Variants in KCNN1 observed in about 807,000 individuals in gnomAD.
The protein encoded by KCNN1 is potassium calcium-activated channel subfamily N member 1, also known as small conductance calcium-activated potassium channel protein 1.
A neutral mutation model predicts 44.7 loss-of-function variants in KCNN1; 20 were observed. That is an observed-to-expected ratio of 0.45 (90% CI 0.32 to 0.65). The LOEUF (loss-of-function observed/expected upper bound fraction) is 0.65. KCNN1 is among the 30% of genes least tolerant of loss of function. KCNN1 has a pLI of 0.05. For missense variants in KCNN1, 632 were observed against 785.3 expected, an observed-to-expected ratio of 0.80 and a Z score of 2.33; for synonymous variants, 324 against 341.7, an observed-to-expected ratio of 0.95 and a Z score of 0.57.
In KCNN1 at chr19:17,974,059, C is replaced by T. The variant is rs1358424466; in HGVS notation, c.171C>T (p.Gly57=). 1.2e-6 allele frequency: 2 copies of T among 1,611,014 alleles called. No individual in the cohort carries two copies. Among genetic ancestry groups the T allele is most frequent in the Admixed American group, 1.7e-5 (1 of 59,922 alleles). The part of the protein sequence containing the change: ...AKSEPARPSP[G]SPRGQPQDQD... ...GTGAGCCAGCCCGGCCCTCACCCGG[C>T]AGCCCCCGGGGGCAGCCCCAGGACC... Residue 57 remains glycine, a synonymous_variant, in exon 2 of 10, where the codon GGC becomes GGT. Coordinates refer to ENST00000684775, the MANE Select transcript of KCNN1 (RefSeq NM_001386974.1). The surrounding 1 kb of genome is among the most constrained non-coding windows in gnomAD (Gnocchi z 7.3).
Position 17,999,667 on chromosome 19 carries a change from C to G in KCNN1, c.*1261C>G, listed in dbSNP as rs550692095. On this transcript the variant is annotated 3_prime_UTR_variant, in exon 10 of 10. Coordinates refer to ENST00000684775, the MANE Select transcript of KCNN1 (RefSeq NM_001386974.1). ...CAGAAAGGTCCCTGGAGGCCATGGG[C>G]TTGGGTGCTGGGAGCAACAGGCATT... 142 of 250,532 alleles carry G rather than the reference C, an allele frequency of 5.7e-4. 2 individuals carry two copies. The highest frequency in any genetic ancestry group is 1.6e-3 in the South Asian group (38 of 23,474). The allele number at this position is 250,532 out of a possible 1,614,324, so 15.5% of individuals were successfully genotyped here.
At chr19:17,997,522 A>G (rs1194226205) in intron 9 of KCNN1, among the ~76,000 whole-genome samples, 1 of 152,008 alleles carries the variant, frequency 6.6e-6, no homozygotes, top group African/African-American at 2.4e-5. Context: ...CTTTTTCTTG[A>G]GACGGATTTT....
At chr19:17,959,150 G>A (rs941240890) in intron 2 of KCNN1, among the ~76,000 whole-genome samples, 11 of 151,364 alleles carry the variant, frequency 7.3e-5, no homozygotes, top group Non-Finnish European at 1.5e-4. Context: ...TCAGCCTCCC[G>A]AGTAGCTGGG....
chr19:17,967,133 G>GGACT lies in KCNN1; in HGVS notation c.-264_-261dup. On this transcript the variant is annotated 5_prime_UTR_variant, in exon 1 of 10. Coordinates refer to ENST00000684775, the MANE Select transcript of KCNN1 (RefSeq NM_001386974.1). ...GGCGCTCGCCCCCCGCCGGGCCCGT[G>GGACT]GACTGGGCGGCGGGGGATGCGCCTG... 1 of 975,416 alleles carries GGACT rather than the reference G, an allele frequency of 1.0e-6. No homozygotes were observed. The highest frequency in any genetic ancestry group is 1.2e-6 in the Non-Finnish European group (1 of 823,276). 60.4% of individuals were successfully genotyped at this position (975,416 alleles called of 1,614,324 possible). A position where few individuals can be genotyped will look rare whatever the true frequency, so the allele number is the denominator to read the frequency against.
At chr19:17,964,442 C>A (rs991691002), upstream of KCNN1, among the ~76,000 whole-genome samples, 3 of 152,230 alleles carry the variant, frequency 2.0e-5, no homozygotes, top group Admixed American at 6.5e-5. The surrounding 1 kb of genome is among the most constrained non-coding windows in gnomAD (Gnocchi z 4.3). Context: ...AGGCCCCCTG[C>A]GGAGGGGCTT....
chr19:17,965,527 G>T (rs969454307), upstream of KCNN1, among the ~76,000 whole-genome samples: 2 of 152,122 alleles, frequency 1.3e-5, no homozygotes, highest in African/African-American at 4.8e-5. Context: ...CAAGTGCAAA[G>T]GCCTGGAGGT....
chr19:17,973,566 A>G (rs940107141), intron 1 of KCNN1, among the ~76,000 whole-genome samples: 2 of 152,138 alleles, frequency 1.3e-5, no homozygotes, highest in African/African-American at 4.8e-5. Flanking sequence ...CCAGAGCTGC[A>G]CCACCATGCC....
intron 5 of KCNN1, among the ~76,000 whole-genome samples, chr19:17,987,909 A>C (rs1381074399): frequency 6.6e-6 from 1 of 151,118 alleles, no homozygotes; most frequent in African/African-American, 2.4e-5. Context: ...TTGGGAGGCC[A>C]AGGCGGGTGG....
At chr19:17,954,090 G>T (rs1022640362) in intron 1 of KCNN1, among the ~76,000 whole-genome samples, 2 of 152,184 alleles carry the variant, frequency 1.3e-5, no homozygotes, top group African/African-American at 4.8e-5. Context: ...GAAGAGGTGG[G>T]GCTAGCCCAG....
Position 17,985,300 on chromosome 19 carries a change from T to C in KCNN1, c.918-12T>C. 1.9e-5 allele frequency: 30 copies of C among 1,582,228 alleles called. No individual in the cohort carries two copies. Among genetic ancestry groups the C allele is most frequent in the Non-Finnish European group, 2.6e-5 (30 of 1,161,960 alleles). The stretch of plus-strand genomic sequence containing the variant: ...GACTGAGCCCTCCCTCTTCCCACTC[T>C]GGCTCCCCCAGGTACCACGACAAGC... On this transcript the variant is annotated splice_polypyrimidine_tract_variant and intron_variant, in intron 4 of 9. Transcript: ENST00000684775.
intron 2 of KCNN1, among the ~76,000 whole-genome samples, chr19:17,960,640 A>G (rs550224300): frequency 1.3e-5 from 2 of 150,844 alleles, no homozygotes; most frequent in South Asian, 2.1e-4. Flanking sequence ...CAAAAAAAAG[A>G]AAAGAAAAGA....
rs559857083 is a variant in KCNN1, at chr19:17,990,521, C to A, written c.1298+678C>A. Among the ~76,000 whole-genome samples the A allele has an allele frequency of 1.9e-3, 289 of 151,098 alleles. 1 individual carries two copies. The highest frequency in any genetic ancestry group is 6.6e-3 in the African/African-American group (271 of 41,220). On this transcript the variant is annotated intron_variant, in intron 7 of 9. Transcript: ENST00000684775. Reference sequence around the variant, plus strand: ...AAAGAAAAGAAAAAGAAAAAAAAGGCCGGGCGCGGTGGCTCACGCCTGTAA... The same window carrying A: ...AAAGAAAAGAAAAAGAAAAAAAAGGACGGGCGCGGTGGCTCACGCCTGTAA...
At chr19:17,964,314 G>T (rs2031748084), upstream of KCNN1, among the ~76,000 whole-genome samples, 1 of 152,114 alleles carries the variant, frequency 6.6e-6, no homozygotes, top group Non-Finnish European at 1.5e-5. The surrounding 1 kb of genome is among the most constrained non-coding windows in gnomAD (Gnocchi z 4.3). Context: ...TGCTCGTGTG[G>T]CCAGGCCACT....
At chr19:17,982,539 T>C (rs925301034) in intron 4 of KCNN1, 2 of 985,068 alleles carry the variant, frequency 2.0e-6, no homozygotes, top group Admixed American at 6.2e-5. Flanking sequence ...GCTTTCATTT[T>C]CCCCTCTGCC....
At chr19:17,967,604 G>GTA (rs1276360138) in intron 1 of KCNN1, among the ~76,000 whole-genome samples, 2 of 102,698 alleles carry the variant, frequency 1.9e-5, no homozygotes, top group East Asian at 1.0e-3. Flanking sequence ...CATAGATAGG[G>GTA]TTGGAGGTCG....
intron 3 of KCNN1, 96 bp downstream of exon 3, chr19:17,975,283 A>T: frequency 4.9e-6 from 4 of 809,032 alleles, no homozygotes; most frequent in South Asian, 3.2e-5. Context: ...AAAACATAAA[A>T]GGATGTATAA....
At chr19:17,968,429 G>A (rs530197870) in intron 1 of KCNN1, among the ~76,000 whole-genome samples, 38 of 152,046 alleles carry the variant, frequency 2.5e-4, no homozygotes, top group Non-Finnish European at 5.4e-4. Context: ...GGGGGGTGGG[G>A]GGGAGGCACC....
chr19:17,967,182 GC>G lies in KCNN1; in HGVS notation c.-212del. Reference sequence around the variant, plus strand: ...TGCCGCCGCCGCCCCCGGCCCCGCCGCCCCCGGGCCCCGCGCCCGCTCGCTG... The same window carrying G: ...TGCCGCCGCCGCCCCCGGCCCCGCCGCCCCGGGCCCCGCGCCCGCTCGCTG... On this transcript the variant is annotated 5_prime_UTR_variant, in exon 1 of 10. It introduces an in-frame stop codon into an upstream open reading frame of the 5' UTR. Transcript: ENST00000684775. 1.6e-5 allele frequency: 8 copies of G among 494,982 alleles called. No homozygotes were observed. The highest frequency in any genetic ancestry group is 2.1e-5 in the Non-Finnish European group (8 of 389,228). 30.7% of individuals were successfully genotyped at this position (494,982 alleles called of 1,614,324 possible).
At chr19:17,982,696 G>A (rs2032458926) in intron 4 of KCNN1, 4 of 707,284 alleles carry the variant, frequency 5.7e-6, no homozygotes, top group Non-Finnish European at 6.9e-6. Context: ...CAGGGAGAAC[G>A]GGCCCGGCGG....
Sources: gnomAD v4.1 joint callset for allele counts (sites outside exome capture counted in the v4.1 genomes callset) on GRCh38, gnomAD v4.1.1 for gene constraint, Gnocchi (gnomAD v3.1) non-coding constraint, MANE v1.5 for transcripts, NCBI Gene and HGNC (gene_info 2026-07-23, HGNC 2026-07-21) for gene names.